The following CTNNBIP1 variants were observed in gnomAD, a reference collection of about 807,000 sequenced individuals.
The protein encoded by CTNNBIP1 is beta-catenin-interacting protein 1.
In CTNNBIP1, 7 loss-of-function variants were observed where a neutral mutation model predicts 11.8. The ratio of observed to expected loss-of-function variants is 0.60; its 90% CI spans 0.34 to 1.12. CTNNBIP1 has a LOEUF of 1.12. Ranked by LOEUF, CTNNBIP1 falls within the 50% of genes most tolerant of loss-of-function variation. The pLI, the probability that CTNNBIP1 is intolerant of heterozygous loss-of-function variation, is 0.03. For synonymous variants in CTNNBIP1, 58 were observed against 43.9 expected (o/e 1.32, Z -1.26); for missense variants, 101 against 113.4 (o/e 0.89, Z 0.50).
chr1:9,904,132 A>G (rs1639574286), intron 1 of CTNNBIP1, among the ~76,000 whole-genome samples: 1 of 152,226 alleles, frequency 6.6e-6, no homozygotes, highest in Non-Finnish European at 1.5e-5. Flanking sequence ...AACCAGCTAC[A>G]TGAGAAAAAG....
intron 5 of CTNNBIP1, among the ~76,000 whole-genome samples, chr1:9,865,178 A>C (rs1330654472): frequency 1.3e-5 from 2 of 151,684 alleles, no homozygotes; most frequent in African/African-American, 2.4e-5. Flanking sequence ...GCAGTGAGCC[A>C]AGATAGCACC....
chr1:9,865,590 C>T (rs1401717097), intron 5 of CTNNBIP1, among the ~76,000 whole-genome samples: 10 of 151,270 alleles, frequency 6.6e-5, no homozygotes, highest in African/African-American at 2.2e-4. Flanking sequence ...GGTGACAGAG[C>T]GAGACTCTGT....
Position 9,876,383 on chromosome 1 carries a change from G to A in CTNNBIP1, c.-25+1522C>T, listed in dbSNP as rs370273701. 3.9e-5 allele frequency among the ~76,000 whole-genome samples: 6 copies of A among 152,258 alleles called. No homozygotes were observed. The East Asian group carries it at 7.7e-4, about 20-fold the overall frequency. ...TGTAATCCCAGCACTTTAGGAGGCCGAGGCGGGCAGATCACCTGAGGTTAA... is the reference window on the plus strand; with the variant it reads ...TGTAATCCCAGCACTTTAGGAGGCCAAGGCGGGCAGATCACCTGAGGTTAA... On this transcript the variant is annotated intron_variant, in intron 3 of 5. Coordinates refer to ENST00000377263, the MANE Select transcript of CTNNBIP1 (RefSeq NM_020248.3).
At chr1:9,859,004 G>A (rs1638567441) in intron 5 of CTNNBIP1, among the ~76,000 whole-genome samples, 1 of 152,112 alleles carries the variant, frequency 6.6e-6, no homozygotes, top group Non-Finnish European at 1.5e-5. Flanking sequence ...ATGGAACTAA[G>A]AACCAGGGCT....
At chr1:9,906,423 T>C (rs1297953461) in intron 1 of CTNNBIP1, among the ~76,000 whole-genome samples, 5 of 152,160 alleles carry the variant, frequency 3.3e-5, no homozygotes, top group Non-Finnish European at 7.3e-5. Context: ...CCAGACGTGG[T>C]GGCACACGCC....
intron 5 of CTNNBIP1, among the ~76,000 whole-genome samples, chr1:9,852,192 G>A (rs548802161): frequency 5.9e-5 from 9 of 152,262 alleles, no homozygotes; most frequent in African/African-American, 1.7e-4. Flanking sequence ...CCCCACAGCC[G>A]GCATGTGCTG....
chr1:9,854,673 TAAAA>T (rs969740400), intron 5 of CTNNBIP1, among the ~76,000 whole-genome samples: 1 of 151,298 alleles, frequency 6.6e-6, no homozygotes, highest in African/African-American at 2.4e-5. Context: ...AGGAATCCAC[TAAAA>T]AAAAATTTTT....
At chr1:9,903,155 T>G (rs756670116) in intron 1 of CTNNBIP1, among the ~76,000 whole-genome samples, 2 of 152,164 alleles carry the variant, frequency 1.3e-5, no homozygotes, top group South Asian at 4.1e-4. Context: ...AAATATTTGT[T>G]AATTGAATCA....
chr1:9,879,070 G>A (rs1202127587), intron 2 of CTNNBIP1, among the ~76,000 whole-genome samples: 3 of 152,160 alleles, frequency 2.0e-5, no homozygotes, highest in East Asian at 3.9e-4. Flanking sequence ...GGTGGCGGGC[G>A]CCTGTAATCC....
intron 3 of CTNNBIP1, among the ~76,000 whole-genome samples, chr1:9,876,371 C>T (rs969498853): frequency 3.3e-5 from 5 of 152,138 alleles, no homozygotes; most frequent in Non-Finnish European, 5.9e-5. Context: ...AATCCCAGCA[C>T]TTTAGGAGGC....
In CTNNBIP1 at chr1:9,850,203, C is replaced by T. The variant is rs886802693; in HGVS notation, c.*515G>A. 2 of 153,026 alleles carry T rather than the reference C, an allele frequency of 1.3e-5. No individual in the cohort carries two copies. Among genetic ancestry groups the T allele is most frequent in the African/African-American group, 4.8e-5 (2 of 41,418 alleles). 9.5% of individuals were successfully genotyped at this position (153,026 alleles called of 1,614,324 possible). ...AAATATAACGACTAATGTCCCAGAC[C>T]CTGTTTTCTGCATTCAAAATAGGGA... On this transcript the variant is annotated 3_prime_UTR_variant, in exon 6 of 6. Coordinates refer to ENST00000377263, the MANE Select transcript of CTNNBIP1 (RefSeq NM_020248.3).
rs948533101 is a variant in CTNNBIP1, at chr1:9,885,202, T to C, written c.-143-1464A>G. Among the ~76,000 whole-genome samples the C allele has an allele frequency of 3.3e-5, 5 of 151,946 alleles. No individual in the cohort carries two copies. The South Asian group carries it at 1.0e-3, about 32-fold the overall frequency. ...AGACAACAGGGAGCGCACTGTGGGATGTGGGGGCAATGGTGACGGCTCCCG... is the reference window on the plus strand; with the variant it reads ...AGACAACAGGGAGCGCACTGTGGGACGTGGGGGCAATGGTGACGGCTCCCG... On this transcript the variant is annotated intron_variant, in intron 1 of 5. Coordinates refer to ENST00000377263, the MANE Select transcript of CTNNBIP1 (RefSeq NM_020248.3).
intron 2 of CTNNBIP1, among the ~76,000 whole-genome samples, chr1:9,880,835 T>C (rs4417070): frequency 0.13 from 19,948 of 152,116 alleles, 4,314 homozygotes; most frequent in African/African-American, 0.45. Context: ...TTGTGCACCG[T>C]GAGGCCAGTG....
At chr1:9,865,962 C>T (rs7537879) in intron 5 of CTNNBIP1, among the ~76,000 whole-genome samples, 10,854 of 152,226 alleles carry the variant, frequency 0.071, 1,308 homozygotes, top group African/African-American at 0.24. Flanking sequence ...CCCAGCAGGG[C>T]GACCTTCCTG....
At chr1:9,855,208 C>T (rs1435362372) in intron 5 of CTNNBIP1, among the ~76,000 whole-genome samples, 3 of 150,140 alleles carry the variant, frequency 2.0e-5, no homozygotes, top group African/African-American at 4.9e-5. Flanking sequence ...AAATTCAATA[C>T]ATGATCTCTA....
intron 1 of CTNNBIP1, among the ~76,000 whole-genome samples, chr1:9,901,319 G>T (rs927073460): frequency 4.6e-5 from 7 of 152,322 alleles, no homozygotes; most frequent in Admixed American, 2.6e-4. Flanking sequence ...TGTCTGGGCA[G>T]GGAGGTCAAG....
At chr1:9,899,115 G>GA (rs1639469835) in intron 1 of CTNNBIP1, among the ~76,000 whole-genome samples, 1 of 152,160 alleles carries the variant, frequency 6.6e-6, no homozygotes, top group Admixed American at 6.6e-5. Context: ...TGGGGAACCT[G>GA]AGGATATGGA....
intron 5 of CTNNBIP1, among the ~76,000 whole-genome samples, chr1:9,866,681 A>G (rs1188348586): frequency 8.4e-6 from 1 of 118,476 alleles, no homozygotes; most frequent in Non-Finnish European, 1.5e-5. Context: ...CTCCTTCTCA[A>G]AAAAAAAAAA....
At chr1:9,864,390 G>T (rs979138209) in intron 5 of CTNNBIP1, among the ~76,000 whole-genome samples, 1 of 152,170 alleles carries the variant, frequency 6.6e-6, no homozygotes, top group Admixed American at 6.5e-5. Flanking sequence ...GTGCAGTGGC[G>T]CGATCTCGGC....
Sources: gnomAD v4.1 joint callset for allele counts (sites outside exome capture counted in the v4.1 genomes callset) on GRCh38, gnomAD v4.1.1 for gene constraint, MANE v1.5 for transcripts, NCBI Gene and HGNC (gene_info 2026-07-23, HGNC 2026-07-21) for gene names.